Variants in GPX5 observed in about 807,000 individuals in gnomAD.
The protein encoded by GPX5 is glutathione peroxidase 5.
GPX5 carries 20 observed loss-of-function variants against 23.8 expected under a neutral mutation model. That is an observed-to-expected ratio of 0.84 (90% CI 0.59 to 1.22). The LOEUF (loss-of-function observed/expected upper bound fraction) is 1.22, where lower values mean the gene tolerates loss of function less well. Among genes scored for constraint, GPX5 ranks in the 50% most tolerant of loss-of-function variants. The probability of loss-of-function intolerance (pLI) is 0.00; values close to 1 mark genes in which losing one functional copy is unlikely to be tolerated. For missense variants in GPX5, 230 were observed against 266.6 expected (o/e 0.86, Z 0.96); for synonymous variants, 92 against 99.5 (o/e 0.92, Z 0.45).
At chr6:28,526,833 C>T (rs914910647) in intron 1 of GPX5, among the ~76,000 whole-genome samples, 1 of 152,180 alleles carries the variant, frequency 6.6e-6, no homozygotes, top group African/African-American at 2.4e-5. Flanking sequence ...GACAAATTAA[C>T]CTCTGTTATC....
intron 4 of GPX5, 102 bp from the exon 5 acceptor site, chr6:28,533,859 T>G (rs1454119634): frequency 1.6e-6 from 1 of 638,436 alleles, no homozygotes; most frequent in Non-Finnish European, 2.6e-6. Context: ...GAAGTTAAAA[T>G]ATCTAGGTAT....
At position 28,532,438 on chromosome 6, in the gene GPX5, A is replaced by T; in HGVS notation, c.459+18A>T. The T allele has an allele frequency of 7.0e-7, 1 of 1,432,030 alleles. No individual in the cohort carries two copies. The highest frequency in any genetic ancestry group is 9.7e-7 in the Non-Finnish European group (1 of 1,029,046). The allele number at this position is 1,432,030 out of a possible 1,614,324, so 88.7% of individuals were successfully genotyped here. A position where few individuals can be genotyped will look rare whatever the true frequency, so the allele number is the denominator to read the frequency against. On this transcript the variant is annotated intron_variant, in intron 4 of 4. Coordinates refer to ENST00000412168, the MANE Select transcript of GPX5 (RefSeq NM_001509.3). ...TCTTGAAGGTGAGTAAATTCCTGGC[A>T]TAAGCCTCCTCCTCTTTTCTAATAT...
chr6:28,533,743 T>C (rs1309586988), intron 4 of GPX5, among the ~76,000 whole-genome samples: 1 of 152,162 alleles, frequency 6.6e-6, no homozygotes, highest in Non-Finnish European at 1.5e-5. Flanking sequence ...TATGGGGCTA[T>C]GGGGAGAAAC....
rs776698602 is a variant in GPX5, at chr6:28,526,032, G to T, written c.19G>T (p.Val7Phe). The change falls in exon 1 of 5, where the codon GTC becomes TTC. Residue 7 changes from valine (V) to phenylalanine (F), a missense_variant. Val to Phe is a conservative substitution (Grantham distance 50). Transcript: ENST00000412168. The part of the protein sequence containing the change: MTTQLR[V>F]VHLLPLLLAC... ...ACTAGTCATGACTACACAGTTAAGG[G>T]TCGTCCATCTGCTTCCCCTTCTCCT... The T allele has an allele frequency of 1.9e-6, 3 of 1,612,802 alleles. No individual in the cohort carries two copies. The highest frequency in any genetic ancestry group is 2.5e-6 in the Non-Finnish European group (3 of 1,179,822).
chr6:28,528,228 G>A (rs1763243625), intron 1 of GPX5: 1 of 152,192 alleles, frequency 6.6e-6, no homozygotes, highest in South Asian at 2.1e-4. Context: ...TAGTAAGAGA[G>A]TGACAGGAGA....
chr6:28,529,517 G>T lies in GPX5; in HGVS notation c.154G>T (p.Glu52Ter). 5.0e-6 allele frequency: 8 copies of T among 1,613,544 alleles called. No homozygotes were observed. The highest frequency in any genetic ancestry group is 6.8e-6 in the Non-Finnish European group (8 of 1,179,604). Residue 52 changes from glutamate to a stop codon, truncating the protein, a stop_gained, in exon 2 of 5, where the codon GAA (glutamate) becomes TAA (stop). Transcript: ENST00000412168. LOFTEE classifies it high-confidence loss of function. ...DYEAIALNKN[E>*]YVSFKQYVGK... Reference sequence around the variant, plus strand: ...TGAGGCCATCGCACTTAATAAGAATGAATATGTTTCCTTCAAGCAGTATGT... The same window carrying T: ...TGAGGCCATCGCACTTAATAAGAATTAATATGTTTCCTTCAAGCAGTATGT...
chr6:28,534,301 C>T lies in GPX5; in HGVS notation c.*134C>T, dbSNP rs1221468835. Reference sequence around the variant, plus strand: ...CATGGGCTCCACCTGAGTAAATCACCGCCACATACTGCCAGAATTCCCACT... The same window carrying T: ...CATGGGCTCCACCTGAGTAAATCACTGCCACATACTGCCAGAATTCCCACT... On this transcript the variant is annotated 3_prime_UTR_variant, in exon 5 of 5. Transcript: ENST00000412168. The T allele has an allele frequency of 2.6e-5, 14 of 533,048 alleles. No homozygotes were observed. The highest frequency in any genetic ancestry group is 5.8e-5 in the African/African-American group (3 of 51,502). 33.0% of individuals were successfully genotyped at this position (533,048 alleles called of 1,614,324 possible). A position where few individuals can be genotyped will look rare whatever the true frequency, so the allele number is the denominator to read the frequency against.
At chr6:28,526,631 T>A (rs1763214432) in intron 1 of GPX5, among the ~76,000 whole-genome samples, 1 of 152,204 alleles carries the variant, frequency 6.6e-6, no homozygotes. Context: ...TCAGGCATCT[T>A]GGATTCTGGC....
At chr6:28,533,353 C>A (rs770176134) in intron 4 of GPX5, among the ~76,000 whole-genome samples, 5 of 152,080 alleles carry the variant, frequency 3.3e-5, no homozygotes, top group Non-Finnish European at 5.9e-5. Context: ...CATGCCTCTG[C>A]ACCCCAGCCT....
chr6:28,533,610 T>G lies in GPX5; in HGVS notation c.460-351T>G, dbSNP rs1027170374. Among the ~76,000 whole-genome samples the G allele has an allele frequency of 2.6e-5, 4 of 152,286 alleles. No homozygotes were observed. In the East Asian group the frequency reaches 7.7e-4, roughly 29 times the overall value. Reference sequence around the variant, plus strand: ...GTCCCAAAAGACAATTATTGAAATATTAGTGGCCCATGGAACCCTAAGACC... The same window carrying G: ...GTCCCAAAAGACAATTATTGAAATAGTAGTGGCCCATGGAACCCTAAGACC... On this transcript the variant is annotated intron_variant, in intron 4 of 4. Coordinates refer to ENST00000412168, the MANE Select transcript of GPX5 (RefSeq NM_001509.3).
At chr6:28,531,370 C>CAA (rs1193939654) in intron 2 of GPX5, among the ~76,000 whole-genome samples, 5 of 50,098 alleles carry the variant, frequency 1.0e-4, no homozygotes, top group African/African-American at 1.5e-4. Context: ...GAATCTGTCT[C>CAA]AAAAAAAAAA....
At chr6:28,528,783 G>GTATA (rs201043744) in intron 1 of GPX5, among the ~76,000 whole-genome samples, 2 of 132,288 alleles carry the variant, frequency 1.5e-5, no homozygotes, top group Non-Finnish European at 3.2e-5. Flanking sequence ...TAGTAAGTGT[G>GTATA]TATATATATG....
intron 2 of GPX5, among the ~76,000 whole-genome samples, chr6:28,529,811 T>C (rs1163553284): frequency 1.3e-5 from 2 of 152,222 alleles, no homozygotes; most frequent in Non-Finnish European, 2.9e-5. Flanking sequence ...AAAGTTTTAT[T>C]GGAATGCAGC....
intron 4 of GPX5, among the ~76,000 whole-genome samples, chr6:28,532,702 C>G (rs1338364536): frequency 2.0e-5 from 3 of 152,176 alleles, no homozygotes; most frequent in Non-Finnish European, 4.4e-5. Flanking sequence ...TTAATTCATT[C>G]CAGGTACACT....
chr6:28,533,946 ATC>A lies in GPX5; in HGVS notation c.460-9_460-8del. On this transcript the variant is annotated splice_polypyrimidine_tract_variant and intron_variant, in intron 4 of 4. Coordinates refer to ENST00000412168, the MANE Select transcript of GPX5 (RefSeq NM_001509.3). ...AGAAATAACATTGTTTCTCTTTTCC[ATC>A]TCTCTGGTTTAGCACTCCTGTCCTC... 6.8e-7 allele frequency: 1 copy of A among 1,464,202 alleles called. No individual in the cohort carries two copies. Among genetic ancestry groups the A allele is most frequent in the Non-Finnish European group, 9.1e-7 (1 of 1,098,126 alleles). 90.7% of individuals were successfully genotyped at this position (1,464,202 alleles called of 1,614,324 possible). A position where few individuals can be genotyped will look rare whatever the true frequency, so the allele number is the denominator to read the frequency against.
intron 2 of GPX5, among the ~76,000 whole-genome samples, chr6:28,530,443 G>A (rs190729577): frequency 4.6e-5 from 7 of 152,166 alleles, no homozygotes; most frequent in Non-Finnish European, 1.5e-5. Context: ...ATATTCACAA[G>A]TCTCAAAGTT....
chr6:28,530,416 T>G (rs1763291113), intron 2 of GPX5, among the ~76,000 whole-genome samples: 1 of 152,204 alleles, frequency 6.6e-6, no homozygotes, highest in Middle Eastern at 3.2e-3. Flanking sequence ...TTTTTAATTA[T>G]GTTTTGAATA....
chr6:28,526,463 C>G (rs994157043), intron 1 of GPX5, among the ~76,000 whole-genome samples: 1 of 152,026 alleles, frequency 6.6e-6, no homozygotes, highest in Non-Finnish European at 1.5e-5. Flanking sequence ...GGAGGAGAAG[C>G]TGAGTGGACT....
chr6:28,533,888 T>A, intron 4 of GPX5, 73 bp from the exon 5 acceptor site: 1 of 959,004 alleles, frequency 1.0e-6, no homozygotes, highest in Non-Finnish European at 1.5e-6. Flanking sequence ...GTGGATTACC[T>A]GTGGGTAAAA....
Sources: gnomAD v4.1 joint callset for allele counts (sites outside exome capture counted in the v4.1 genomes callset) on GRCh38, gnomAD v4.1.1 for gene constraint, MANE v1.5 for transcripts, NCBI Gene and HGNC (gene_info 2026-07-23, HGNC 2026-07-21) for gene names.